Variants in RNF32 observed in about 807,000 individuals in gnomAD.
The protein encoded by RNF32 is ring finger protein 32.
A neutral mutation model predicts 41.0 loss-of-function variants in RNF32; 36 were observed. The observed-to-expected ratio is 0.88, with a 90% confidence interval of 0.67 to 1.16. The LOEUF (loss-of-function observed/expected upper bound fraction) is 1.16. RNF32 is among the 50% of genes most tolerant of loss of function. The pLI, the probability that RNF32 is intolerant of heterozygous loss-of-function variation, is 0.00. For missense variants in RNF32, 413 were observed against 436.7 expected, an observed-to-expected ratio of 0.95 and a Z score of 0.48; for synonymous variants, 154 against 160.9, an observed-to-expected ratio of 0.96 and a Z score of 0.32.
chr7:156,640,334 G>A, upstream of RNF32: 1 of 450,554 alleles, frequency 2.2e-6, no homozygotes, highest in South Asian at 1.6e-5. Flanking sequence ...CCAGGCCCAG[G>A]TGGGCGGGCG....
chr7:156,673,918 A>G (rs7797221), intron 7 of RNF32, among the ~76,000 whole-genome samples: 28,352 of 129,930 alleles, frequency 0.22, 2,815 homozygotes, highest in East Asian at 0.37. Context: ...AAAAAAAAAA[A>G]AAAAGAAAAA....
intron 7 of RNF32, 74 bp from the exon 8 acceptor site, chr7:156,675,622 C>A: frequency 7.7e-7 from 1 of 1,290,936 alleles, no homozygotes; most frequent in South Asian, 1.2e-5. Flanking sequence ...AATAGATGGT[C>A]AGGCTCGAGA....
At position 156,654,728 on chromosome 7, in the gene RNF32, A is replaced by T; in HGVS notation, c.417+10A>T. 1.9e-6 allele frequency: 3 copies of T among 1,612,334 alleles called. No individual in the cohort carries two copies. The highest frequency in any genetic ancestry group is 2.5e-6 in the Non-Finnish European group (3 of 1,178,512). ...CGAGCTTCGTCCTCAGGTGTTTAGC[A>T]TACGAGGGTGAGCTAGAGAGCTCCT... On this transcript the variant is annotated intron_variant, in intron 4 of 8. Transcript: ENST00000317955.
intron 4 of RNF32, 166 bp downstream of exon 4, chr7:156,654,884 C>A: frequency 1.8e-6 from 1 of 563,752 alleles, no homozygotes. Flanking sequence ...GTGTGAAGAG[C>A]TAAACACCCT....
chr7:156,672,018 G>T (rs1019862594), intron 7 of RNF32, among the ~76,000 whole-genome samples: 1 of 151,950 alleles, frequency 6.6e-6, no homozygotes, highest in Non-Finnish European at 1.5e-5. Flanking sequence ...GAATATTTGC[G>T]TCTGCCATGC....
chr7:156,661,647 A>G (rs1489374293), intron 7 of RNF32, among the ~76,000 whole-genome samples: 1 of 152,176 alleles, frequency 6.6e-6, no homozygotes, highest in Non-Finnish European at 1.5e-5. Context: ...GCTTACAGCA[A>G]TGACCCACCA....
intron 7 of RNF32, among the ~76,000 whole-genome samples, chr7:156,675,461 G>A (rs1414023423): frequency 4.6e-5 from 7 of 152,200 alleles, no homozygotes; most frequent in African/African-American, 1.2e-4. Context: ...CCAAGGTGCC[G>A]TATTTTGGGG....
Position 156,654,604 on chromosome 7 carries a change from A to G in RNF32, c.303A>G (p.Pro101=). ...AGAAGTTGGGCCTCATTGGGCCTCC[A>G]CCACCTCCACTGTCATCAGATGAAT... ...LAQKLGLIGP[P]PPPLSSDEWE... is the part of the protein sequence containing the mutation. The change falls in exon 4 of 9, where the codon CCA becomes CCG. Residue 101 remains proline, a synonymous_variant. Transcript: ENST00000317955. 1 of 1,614,090 alleles carries G rather than the reference A, an allele frequency of 6.2e-7. No individual in the cohort carries two copies. The highest frequency in any genetic ancestry group is 8.5e-7 in the Non-Finnish European group (1 of 1,179,946).
rs942729949 is a variant in RNF32, at chr7:156,665,731, T to G, written c.684+7161T>G. ...CCCACCAGCCATCTCGATTCTGCAC[T>G]CCAGTGCTTTTCAGTCTTCTAGACT... On this transcript the variant is annotated intron_variant, in intron 7 of 8. Coordinates refer to ENST00000317955, the MANE Select transcript of RNF32 (RefSeq NM_030936.4). Among the ~76,000 whole-genome samples, 4 of 152,220 alleles carry G rather than the reference T, an allele frequency of 2.6e-5. No homozygotes were observed. The East Asian group carries it at 7.7e-4, about 29-fold the overall frequency.
At chr7:156,661,444 T>C (rs1800657345) in intron 7 of RNF32, among the ~76,000 whole-genome samples, 1 of 152,040 alleles carries the variant, frequency 6.6e-6, no homozygotes, top group South Asian at 2.1e-4. Flanking sequence ...CTCAACCTCT[T>C]GAGTAGCTGG....
At chr7:156,658,421 A>T in intron 6 of RNF32, 41 bp from the exon 7 acceptor site, 1 of 1,542,474 alleles carries the variant, frequency 6.5e-7, no homozygotes, top group Non-Finnish European at 9.0e-7. Flanking sequence ...GTTGACATAG[A>T]GTCATCATAA....
Position 156,670,658 on chromosome 7 carries a change from C to G in RNF32, c.685-5038C>G, listed in dbSNP as rs1017273350. Among the ~76,000 whole-genome samples, 5 of 152,150 alleles carry G rather than the reference C, an allele frequency of 3.3e-5. No individual in the cohort carries two copies. Among genetic ancestry groups the G allele is most frequent in the Non-Finnish European group, 7.3e-5 (5 of 68,040 alleles). ...AGACGATGGCAAACCCTGGGACCTG[C>G]AGATTTCCCAGTGGGAGCGGCAGAA... is the stretch of plus-strand genomic sequence containing the variant. On this transcript the variant is annotated intron_variant, in intron 7 of 8. Coordinates refer to ENST00000317955, the MANE Select transcript of RNF32 (RefSeq NM_030936.4). The surrounding 1 kb of genome is among the most constrained non-coding windows in gnomAD (Gnocchi z 4.3).
intron 7 of RNF32, among the ~76,000 whole-genome samples, chr7:156,662,712 G>A (rs1250564725): frequency 6.6e-6 from 1 of 151,724 alleles, no homozygotes; most frequent in African/African-American, 2.4e-5. Flanking sequence ...CAATAGAAGT[G>A]AAAATATAAT....
chr7:156,647,100 C>A (rs1798053786), intron 3 of RNF32, among the ~76,000 whole-genome samples: 1 of 152,198 alleles, frequency 6.6e-6, no homozygotes, highest in Non-Finnish European at 1.5e-5. Context: ...AATCCACCCG[C>A]CTCAGCCTCC....
chr7:156,660,793 G>A (rs1800532733), intron 7 of RNF32, among the ~76,000 whole-genome samples: 1 of 152,212 alleles, frequency 6.6e-6, no homozygotes, highest in South Asian at 2.1e-4. Flanking sequence ...CTCTCAAGGA[G>A]TCCTGAGAAA....
chr7:156,660,576 T>A (rs1412230206), intron 7 of RNF32, among the ~76,000 whole-genome samples: 1 of 152,116 alleles, frequency 6.6e-6, no homozygotes, highest in African/African-American at 2.4e-5. Flanking sequence ...CTCAAATTCC[T>A]GGGCTGAAGC....
chr7:156,652,860 G>A (rs1798941917), intron 3 of RNF32, among the ~76,000 whole-genome samples: 1 of 152,152 alleles, frequency 6.6e-6, no homozygotes. Flanking sequence ...GACACAGCCT[G>A]CAGTGAGCCA....
Position 156,654,568 on chromosome 7 carries a change from T to G in RNF32, c.275-8T>G, listed in dbSNP as rs770802710. The stretch of plus-strand genomic sequence containing the variant: ...CTCTAACTCCTGTCCTGTGCTGTCT[T>G]ACTTTAGCACAGAAGTTGGGCCTCA... On this transcript the variant is annotated splice_region_variant and splice_polypyrimidine_tract_variant and intron_variant, in intron 3 of 8. Coordinates refer to ENST00000317955, the MANE Select transcript of RNF32 (RefSeq NM_030936.4). The G allele has an allele frequency of 1.2e-6, 2 of 1,613,260 alleles. No individual in the cohort carries two copies. Among genetic ancestry groups the G allele is most frequent in the African/African-American group, 1.3e-5 (1 of 75,046 alleles).
intron 7 of RNF32, among the ~76,000 whole-genome samples, chr7:156,663,907 T>C (rs1015244423): frequency 6.6e-5 from 10 of 152,218 alleles, no homozygotes; most frequent in Admixed American, 5.2e-4. Flanking sequence ...CCAAGAACAT[T>C]CCACACGGAT....
Sources: gnomAD v4.1 joint callset for allele counts (sites outside exome capture counted in the v4.1 genomes callset) on GRCh38, gnomAD v4.1.1 for gene constraint, Gnocchi (gnomAD v3.1) non-coding constraint, MANE v1.5 for transcripts, NCBI Gene and HGNC (gene_info 2026-07-23, HGNC 2026-07-21) for gene names.